Variants in SOX6 observed in about 807,000 individuals in gnomAD.
The protein encoded by SOX6 is SRY-box transcription factor 6.
SOX6 carries 11 observed loss-of-function variants against 97.8 expected under a neutral mutation model. The ratio of observed to expected loss-of-function variants is 0.11; its 90% CI spans 0.07 to 0.19. The LOEUF is 0.19. Ranked by LOEUF, SOX6 falls within the 10% of genes least tolerant of loss-of-function variation. The pLI, the probability that SOX6 is intolerant of heterozygous loss-of-function variation, is 1.00. For missense variants in SOX6, 810 were observed against 1,039.5 expected, an observed-to-expected ratio of 0.78 and a Z score of 3.04; for synonymous variants, 360 against 371.4, an observed-to-expected ratio of 0.97 and a Z score of 0.35.
intron 4 of SOX6, among the ~76,000 whole-genome samples, chr11:16,492,955 C>G (rs996396286): frequency 6.6e-6 from 1 of 152,094 alleles, no homozygotes; most frequent in Non-Finnish European, 1.5e-5. Context: ...ACTATAAAGA[C>G]TGATAATATA....
intron 13 of SOX6, among the ~76,000 whole-genome samples, chr11:16,012,634 G>A (rs971958660): frequency 5.9e-5 from 9 of 151,980 alleles, no homozygotes; most frequent in Admixed American, 5.9e-4. Context: ...AAGGTCACAA[G>A]GAGTTTGTTC....
Position 16,524,725 on chromosome 11 carries a change from A to G in SOX6, n.610-48337T>C, listed in dbSNP as rs1230982696. On this transcript the variant is annotated intron_variant and non_coding_transcript_variant, in intron 4 of 5. Coordinates refer to the SOX6 transcript ENST00000524520. ...TTGCAGATGACATGATTGTATATCT[A>G]GAAAACCCCATTGTCTCAGCCCAAA... 3.9e-5 allele frequency among the ~76,000 whole-genome samples: 6 copies of G among 152,050 alleles called. No individual in the cohort carries two copies. In the South Asian group the frequency reaches 6.2e-4, roughly 16 times the overall value.
chr11:15,995,285 C>T (rs1017141874), intron 13 of SOX6, among the ~76,000 whole-genome samples: 1 of 152,102 alleles, frequency 6.6e-6, no homozygotes, highest in Non-Finnish European at 1.5e-5. Context: ...AGGAGCAACT[C>T]CTTAGGAATA....
At chr11:16,652,887 A>T (rs1333295350) in intron 3 of SOX6, among the ~76,000 whole-genome samples, 1 of 152,206 alleles carries the variant, frequency 6.6e-6, no homozygotes, top group Non-Finnish European at 1.5e-5. Context: ...TGATATCCAG[A>T]ATCTACAAAG....
At chr11:16,514,607 A>C (rs1860935268) in intron 4 of SOX6, among the ~76,000 whole-genome samples, 1 of 152,012 alleles carries the variant, frequency 6.6e-6, no homozygotes, top group Non-Finnish European at 1.5e-5. Flanking sequence ...CAGGTTAGTT[A>C]CATAGGTATA....
At chr11:16,496,138 G>C (rs1280726739) in intron 4 of SOX6, among the ~76,000 whole-genome samples, 1 of 152,100 alleles carries the variant, frequency 6.6e-6, no homozygotes, top group Admixed American at 6.5e-5. Context: ...TAAACCAGAT[G>C]TGCAGATATC....
At chr11:16,437,549 A>C (rs1859404885) in intron 1 of SOX6, among the ~76,000 whole-genome samples, 1 of 152,218 alleles carries the variant, frequency 6.6e-6, no homozygotes, top group South Asian at 2.1e-4. Flanking sequence ...AGCTAAGTTT[A>C]AATACTAAGT....
chr11:16,167,521 T>C (rs1850918500), intron 6 of SOX6, among the ~76,000 whole-genome samples: 1 of 152,156 alleles, frequency 6.6e-6, no homozygotes, highest in Non-Finnish European at 1.5e-5. Context: ...CTAAAGTCCT[T>C]ACAACGATGT....
rs544477456 is a variant in SOX6 at position 16,212,874 on chromosome 11, A to G, written c.535+21708T>C. Among the ~76,000 whole-genome samples, 6 of 152,336 alleles carry G rather than the reference A, an allele frequency of 3.9e-5. No individual in the cohort carries two copies. The South Asian group carries it at 1.0e-3, about 26-fold the overall frequency. ...AGTTTGAATCTCACAAGCTATGTCT[A>G]TCACATGGATTTTGGTTCCATGATG... On this transcript the variant is annotated intron_variant, in intron 4 of 15. Transcript: ENST00000683767.
At chr11:16,711,782 T>A (rs146055740) in intron 3 of SOX6, among the ~76,000 whole-genome samples, 2,289 of 152,178 alleles carry the variant, frequency 0.015, 56 homozygotes, top group African/African-American at 0.052. Context: ...GAAAGTTCTT[T>A]AGTGGTGATT....
chr11:16,463,724 G>A (rs560131234), intron 1 of SOX6, among the ~76,000 whole-genome samples: 23 of 152,304 alleles, frequency 1.5e-4, no homozygotes, highest in African/African-American at 5.3e-4. Flanking sequence ...TGGGAGAGGT[G>A]CAGGCTGTTC....
At chr11:16,374,637 A>T (rs554667018) in intron 1 of SOX6, among the ~76,000 whole-genome samples, 1 of 152,220 alleles carries the variant, frequency 6.6e-6, no homozygotes, top group South Asian at 2.1e-4. Context: ...AAATAATAAA[A>T]ATGTTAAAAA....
chr11:16,656,960 A>G (rs948393193), intron 3 of SOX6, among the ~76,000 whole-genome samples: 3 of 152,220 alleles, frequency 2.0e-5, no homozygotes, highest in Non-Finnish European at 4.4e-5. Context: ...CAATATTGAC[A>G]TATTATTATA....
chr11:16,507,286 A>C lies in SOX6; in HGVS notation n.610-30898T>G, dbSNP rs1860804353. Among the ~76,000 whole-genome samples the C allele has an allele frequency of 1.3e-5, 2 of 152,096 alleles. 1 individual carries two copies. The highest frequency in any genetic ancestry group is 4.1e-4 in the South Asian group (2 of 4,824). ...TTTTCTTTGTAGATTTCCCAATTTC[A>C]GGTATTTCTTTACAGCTGTATAAGA... On this transcript the variant is annotated intron_variant and non_coding_transcript_variant, in intron 4 of 5. Coordinates refer to the SOX6 transcript ENST00000524520.
intron 1 of SOX6, among the ~76,000 whole-genome samples, chr11:16,352,122 G>T (rs1431124841): frequency 2.0e-5 from 3 of 151,940 alleles, no homozygotes; most frequent in Non-Finnish European, 1.5e-5. Context: ...ACACACTCTG[G>T]ACAATAAATT....
chr11:16,622,859 G>T (rs1051410615), intron 3 of SOX6, among the ~76,000 whole-genome samples: 11 of 152,114 alleles, frequency 7.2e-5, no homozygotes, highest in African/African-American at 2.7e-4. Flanking sequence ...TTTCATAGTG[G>T]TTGTACTAGT....
At chr11:16,611,591 G>C (rs535287836) in intron 4 of SOX6, among the ~76,000 whole-genome samples, 2 of 152,324 alleles carry the variant, frequency 1.3e-5, no homozygotes, top group East Asian at 3.9e-4. Context: ...GCTGCCCATC[G>C]CACTTCATTT....
intron 3 of SOX6, among the ~76,000 whole-genome samples, chr11:16,700,695 A>C (rs1362214962): frequency 6.6e-6 from 1 of 152,190 alleles, no homozygotes; most frequent in Non-Finnish European, 1.5e-5. Flanking sequence ...ATACCTGAAC[A>C]ACTATGACTC....
intron 4 of SOX6, among the ~76,000 whole-genome samples, chr11:16,573,766 C>G (rs1238681013): frequency 6.6e-6 from 1 of 152,110 alleles, no homozygotes; most frequent in Non-Finnish European, 1.5e-5. Context: ...AAAGATATTA[C>G]TACTTAATTA....
Sources: allele counts gnomAD v4.1 joint callset (sites outside exome capture counted in the v4.1 genomes callset), GRCh38; gene constraint gnomAD v4.1.1; transcripts MANE v1.5; gene names NCBI Gene and HGNC (gene_info 2026-07-23, HGNC 2026-07-21).